Variants in PITHD1 observed in about 807,000 individuals in gnomAD.
PITHD1 encodes PITH domain-containing protein 1.
PITHD1 carries 8 observed loss-of-function variants against 27.5 expected under a neutral mutation model. The observed-to-expected ratio is 0.29, with a 90% CI of 0.17 to 0.52. The LOEUF (loss-of-function observed/expected upper bound fraction) is 0.52. Among genes scored for constraint, PITHD1 ranks in the 20% least tolerant of loss-of-function variants. The pLI is 0.96. For missense variants in PITHD1, 233 were observed against 283.9 expected, an observed-to-expected ratio of 0.82 and a Z score of 1.29; for synonymous variants, 118 against 106.8, an observed-to-expected ratio of 1.10 and a Z score of -0.64.
At chr1:23,785,502 A>AT (rs1638669153) in intron 3 of PITHD1, among the ~76,000 whole-genome samples, 173 bp from the exon 4 acceptor site, 1 of 152,124 alleles carries the variant, frequency 6.6e-6, no homozygotes, top group Admixed American at 6.6e-5. Context: ...CAAAAAAAAA[A>AT]AAAAAAAAGA....
At chr1:23,780,201 A>G (rs181345570) in intron 3 of PITHD1, among the ~76,000 whole-genome samples, 1 of 152,334 alleles carries the variant, frequency 6.6e-6, no homozygotes, top group East Asian at 1.9e-4. Flanking sequence ...TTCAGAGAGC[A>G]TTGTGTAAAT....
intron 3 of PITHD1, among the ~76,000 whole-genome samples, chr1:23,780,933 G>T (rs545830250): frequency 6.6e-6 from 1 of 151,878 alleles, no homozygotes; most frequent in Non-Finnish European, 1.5e-5. Context: ...CGAGCATGGT[G>T]GTTCACACCT....
chr1:23,786,827 G>C (rs186508416), intron 5 of PITHD1, among the ~76,000 whole-genome samples: 83 of 151,980 alleles, frequency 5.5e-4, no homozygotes, highest in African/African-American at 1.9e-3. Context: ...CCTGACCTCA[G>C]GTGATCTGCC....
At position 23,787,667 on chromosome 1, in the gene PITHD1, C is replaced by A; in HGVS notation, c.*291C>A. 4.6e-6 allele frequency: 1 copy of A among 219,240 alleles called. No individual in the cohort carries two copies. The highest frequency in any genetic ancestry group is 1.4e-4 in the South Asian group (1 of 7,368). The allele number at this position is 219,240 out of a possible 1,614,324, so 13.6% of individuals were successfully genotyped here. A position where few individuals can be genotyped will look rare whatever the true frequency, so the allele number is the denominator to read the frequency against. ...ACACTTGCTTTTCCAGTTAATGTGG[C>A]CATGTGATTCCAAGTGTCATGTTGC... On this transcript the variant is annotated 3_prime_UTR_variant, in exon 6 of 6. Coordinates refer to ENST00000246151, the MANE Select transcript of PITHD1 (RefSeq NM_020362.5).
intron 3 of PITHD1, 99 bp downstream of exon 3, chr1:23,780,040 A>G: frequency 2.6e-6 from 2 of 770,942 alleles, no homozygotes; most frequent in Non-Finnish European, 4.5e-6. Flanking sequence ...TACCGGGTTT[A>G]ATATTTCCCC....
chr1:23,783,605 C>T (rs1010713422), intron 3 of PITHD1, among the ~76,000 whole-genome samples: 5 of 151,892 alleles, frequency 3.3e-5, no homozygotes, highest in South Asian at 2.1e-4. Flanking sequence ...GTACACACCA[C>T]CAGGCCTGGC....
At position 23,783,326 on chromosome 1, in the gene PITHD1, T is replaced by C. The variant is rs184078215; in HGVS notation, c.321-2349T>C. On this transcript the variant is annotated intron_variant, in intron 3 of 5. Transcript: ENST00000246151. Reference sequence around the variant, plus strand: ...ATCTACATATATACGCATATATATATACACATATATGTGTATATATACATA... The same window carrying C: ...ATCTACATATATACGCATATATATACACACATATATGTGTATATATACATA... 1.2e-3 allele frequency among the ~76,000 whole-genome samples: 177 copies of C among 149,840 alleles called. 1 individual carries two copies. Among genetic ancestry groups the C allele is most frequent in the African/African-American group, 4.0e-3 (162 of 40,836 alleles).
rs1412199868 is a variant in PITHD1, at chr1:23,778,479, G to A, written c.-37G>A. 9.9e-6 allele frequency: 13 copies of A among 1,319,212 alleles called. No homozygotes were observed. Among genetic ancestry groups the A allele is most frequent in the Non-Finnish European group, 1.2e-5 (12 of 1,034,554 alleles). 81.7% of individuals were successfully genotyped at this position (1,319,212 alleles called of 1,614,324 possible). A position where few individuals can be genotyped will look rare whatever the true frequency, so the allele number is the denominator to read the frequency against. On this transcript the variant is annotated 5_prime_UTR_variant, in exon 1 of 6. Coordinates refer to ENST00000246151, the MANE Select transcript of PITHD1 (RefSeq NM_020362.5). ...GCGAGCCGAGCCGAGCGAGCGCGGCGGTGGGGCCGAGAGGACGCGCAGGTG... is the reference window on the plus strand; with the variant it reads ...GCGAGCCGAGCCGAGCGAGCGCGGCAGTGGGGCCGAGAGGACGCGCAGGTG...
chr1:23,781,833 G>A (rs1638604810), intron 3 of PITHD1, among the ~76,000 whole-genome samples: 1 of 152,122 alleles, frequency 6.6e-6, no homozygotes, highest in Admixed American at 6.6e-5. Flanking sequence ...ATTGTGGAGA[G>A]GCTTAAATGA....
chr1:23,778,595 T>C lies in PITHD1; in HGVS notation c.80T>C (p.Leu27Pro). ...GAGGAGCCGCCCGAGCAGCGCGGCC[T>C]GGCCTACGGCCTGTACCTGCGCATC... ...EREEPPEQRGLAYGLYLRIDL... is the reference protein window; with the variant it reads ...EREEPPEQRGPAYGLYLRIDL... The change falls in exon 1 of 6, where the codon CTG becomes CCG. Residue 27 changes from leucine to proline, a missense_variant. Physicochemically the swap from Leu to Pro is moderately conservative, Grantham distance 98. Transcript: ENST00000246151. The C allele has an allele frequency of 7.5e-7, 1 of 1,330,512 alleles. No homozygotes were observed. Among genetic ancestry groups the C allele is most frequent in the Non-Finnish European group, 9.6e-7 (1 of 1,041,906 alleles). The allele number at this position is 1,330,512 out of a possible 1,614,324, so 82.4% of individuals were successfully genotyped here.
intron 3 of PITHD1, 98 bp downstream of exon 3, chr1:23,780,039 T>G (rs750871783): frequency 1.3e-5 from 10 of 777,622 alleles, no homozygotes; most frequent in Non-Finnish European, 1.8e-5. Flanking sequence ...TTACCGGGTT[T>G]AATATTTCCC....
intron 3 of PITHD1, among the ~76,000 whole-genome samples, chr1:23,781,331 C>A (rs1024343984): frequency 6.6e-6 from 1 of 152,108 alleles, no homozygotes; most frequent in Non-Finnish European, 1.5e-5. Flanking sequence ...GGTGCGGTGG[C>A]ACAGGCCTGT....
intron 4 of PITHD1, 42 bp from the exon 5 acceptor site, chr1:23,786,273 C>CTA (rs1272723610): frequency 3.3e-6 from 3 of 905,244 alleles, no homozygotes; most frequent in East Asian, 5.0e-5. Flanking sequence ...ACTCATTGAA[C>CTA]TATAATTCAT....
chr1:23,785,213 C>G (rs1638664696), intron 3 of PITHD1: 1 of 154,680 alleles, frequency 6.5e-6, no homozygotes, highest in Admixed American at 6.3e-5. Context: ...TATTTGTAGG[C>G]TAGACGCGGT....
chr1:23,778,606 C>G lies in PITHD1; in HGVS notation c.91C>G (p.Leu31Val). The change falls in exon 1 of 6, where the codon CTG (leucine) becomes GTG (valine). Residue 31 changes from leucine (L) to valine (V), a missense_variant. Leu to Val is a conservative substitution (Grantham distance 32). Transcript: ENST00000246151. ...CGAGCAGCGCGGCCTGGCCTACGGC[C>G]TGTACCTGCGCATCGACCTGGAGCG... ...PPEQRGLAYG[L>V]YLRIDLERLQ... is the part of the protein sequence containing the mutation. The G allele has an allele frequency of 7.5e-7, 1 of 1,334,002 alleles. No homozygotes were observed. Among genetic ancestry groups the G allele is most frequent in the Non-Finnish European group, 9.6e-7 (1 of 1,043,704 alleles). The allele number at this position is 1,334,002 out of a possible 1,614,324, so 82.6% of individuals were successfully genotyped here. A position where few individuals can be genotyped will look rare whatever the true frequency, so the allele number is the denominator to read the frequency against.
rs35540755 is a variant in PITHD1, at chr1:23,783,430, C to CGTGTGT, written c.321-2226_321-2221dup. On this transcript the variant is annotated intron_variant, in intron 3 of 5. Coordinates refer to ENST00000246151, the MANE Select transcript of PITHD1 (RefSeq NM_020362.5). ...ATACACATATATATGCGTATATATA[C>CGTGTGT]GTGTGTGTGTGTGTGTGTGTGTGTA... Among the ~76,000 whole-genome samples, 644 of 134,418 alleles carry CGTGTGT rather than the reference C, an allele frequency of 4.8e-3. 9 individuals carry two copies. Among genetic ancestry groups the CGTGTGT allele is most frequent in the African/African-American group, 7.7e-3 (267 of 34,496 alleles). 88.2% of individuals were successfully genotyped at this position (134,418 alleles called of 152,430 possible). A position where few individuals can be genotyped will look rare whatever the true frequency, so the allele number is the denominator to read the frequency against.
rs562139765 is a variant in PITHD1 at position 23,783,330 on chromosome 1, CAT to C, written c.321-2340_321-2339del. On this transcript the variant is annotated intron_variant, in intron 3 of 5. Coordinates refer to ENST00000246151, the MANE Select transcript of PITHD1 (RefSeq NM_020362.5). ...ACATATATACGCATATATATATACA[CAT>C]ATATGTGTATATATACATATATACG... Among the ~76,000 whole-genome samples the C allele has an allele frequency of 4.2e-3, 617 of 147,520 alleles. 9 individuals carry two copies. Among genetic ancestry groups the C allele is most frequent in the African/African-American group, 0.014 (566 of 40,010 alleles).
In PITHD1 at chr1:23,787,592, C is replaced by G. The variant is rs115741631; in HGVS notation, c.*216C>G. The G allele has an allele frequency of 2.8e-6, 1 of 356,996 alleles. No individual in the cohort carries two copies. Among genetic ancestry groups the G allele is most frequent in the East Asian group, 4.7e-5 (1 of 21,206 alleles). 22.1% of individuals were successfully genotyped at this position (356,996 alleles called of 1,614,324 possible). A position where few individuals can be genotyped will look rare whatever the true frequency, so the allele number is the denominator to read the frequency against. ...AGGGGACCATCGTGGTTCTCTAGGG[C>G]GCTGTGGAAATTGGGTCTTGGGCTG... On this transcript the variant is annotated 3_prime_UTR_variant, in exon 6 of 6. Transcript: ENST00000246151.
At position 23,778,454 on chromosome 1, in the gene PITHD1, G is replaced by GCGAGT; in HGVS notation, c.-58_-57insTCGAG. 1.6e-6 allele frequency: 2 copies of GCGAGT among 1,220,610 alleles called. No homozygotes were observed. Among genetic ancestry groups the GCGAGT allele is most frequent in the African/African-American group, 3.2e-5 (2 of 62,682 alleles). The allele number at this position is 1,220,610 out of a possible 1,614,324, so 75.6% of individuals were successfully genotyped here. A position where few individuals can be genotyped will look rare whatever the true frequency, so the allele number is the denominator to read the frequency against. ...CTGAACGGCGCGGAGCTGGTCTGAGGCGAGCCGAGCCGAGCGAGCGCGGCG... is the reference window on the plus strand; with the variant it reads ...CTGAACGGCGCGGAGCTGGTCTGAGGCGAGTCGAGCCGAGCCGAGCGAGCGCGGCG... On this transcript the variant is annotated 5_prime_UTR_variant, in exon 1 of 6. Coordinates refer to ENST00000246151, the MANE Select transcript of PITHD1 (RefSeq NM_020362.5).
Sources: gnomAD v4.1 joint callset for allele counts (sites outside exome capture counted in the v4.1 genomes callset) on GRCh38, gnomAD v4.1.1 for gene constraint, MANE v1.5 for transcripts, NCBI Gene and HGNC (gene_info 2026-07-23, HGNC 2026-07-21) for gene names.